Variants in NRG3 observed in about 807,000 individuals in gnomAD.
NRG3 encodes the protein pro-neuregulin-3, membrane-bound isoform.
Under a neutral mutation model 66.9 loss-of-function variants are expected in NRG3, and 31 were observed. The ratio of observed to expected loss-of-function variants is 0.46; its 90% confidence interval spans 0.35 to 0.63. The LOEUF (loss-of-function observed/expected upper bound fraction) is 0.63, where lower values mean the gene tolerates loss of function less well. Ranked by LOEUF, NRG3 falls within the 20% of genes least tolerant of loss-of-function variation. The pLI, the probability that NRG3 is intolerant of heterozygous loss-of-function variation, is 0.00. For synonymous variants in NRG3, 393 were observed against 359.4 expected (o/e 1.09, Z -1.06); for missense variants, 910 against 878.9 (o/e 1.04, Z -0.45).
Position 82,349,324 on chromosome 10 carries a change from T to G in NRG3, c.824-9415T>G, listed in dbSNP as rs529931957. Among the ~76,000 whole-genome samples the G allele has an allele frequency of 4.1e-3, 628 of 151,406 alleles. 12 individuals carry two copies. In the South Asian group the frequency reaches 0.049, roughly 12 times the overall value. On this transcript the variant is annotated intron_variant, in intron 1 of 8. Coordinates refer to ENST00000372141, the MANE Select transcript of NRG3 (RefSeq NM_001010848.4). ...TGCAGGTCTGTTGGAATACCCTGCCTTGTGAGATGTCAGTGTGCCCCTGCT... is the reference window on the plus strand; with the variant it reads ...TGCAGGTCTGTTGGAATACCCTGCCGTGTGAGATGTCAGTGTGCCCCTGCT...
chr10:82,711,208 A>G (rs956597654), intron 2 of NRG3, among the ~76,000 whole-genome samples: 20 of 152,186 alleles, frequency 1.3e-4, no homozygotes, highest in African/African-American at 4.6e-4. Flanking sequence ...CCTCCTGAGT[A>G]GCTAGGACTA....
chr10:82,092,218 T>C (rs1287329434), intron 1 of NRG3, among the ~76,000 whole-genome samples: 1 of 152,194 alleles, frequency 6.6e-6, no homozygotes, highest in Non-Finnish European at 1.5e-5. Flanking sequence ...TCTTGGCTTA[T>C]GTTGCACAGC....
At chr10:82,279,616 A>G (rs1211585000) in intron 1 of NRG3, among the ~76,000 whole-genome samples, 1 of 152,200 alleles carries the variant, frequency 6.6e-6, no homozygotes, top group Non-Finnish European at 1.5e-5. Flanking sequence ...AGGGATGTGT[A>G]AATGATTTTC....
intron 1 of NRG3, among the ~76,000 whole-genome samples, chr10:82,164,035 C>T (rs2071830442): frequency 6.6e-6 from 1 of 151,686 alleles, no homozygotes; most frequent in Non-Finnish European, 1.5e-5. Flanking sequence ...ATTCTCCTGC[C>T]TCGGCCTCCT....
chr10:82,435,779 CTTTTTTTTTTTTT>C, intron 2 of NRG3, among the ~76,000 whole-genome samples: 1 of 108,284 alleles, frequency 9.2e-6, no homozygotes, highest in East Asian at 2.7e-4. Flanking sequence ...CTTTTCTTTT[CTTTTTTTTTTTTT>C]TTTTTTTGAG....
At chr10:82,950,431 A>G (rs1398503655) in intron 4 of NRG3, among the ~76,000 whole-genome samples, 1 of 152,134 alleles carries the variant, frequency 6.6e-6, no homozygotes, top group South Asian at 2.1e-4. Flanking sequence ...GTTAGTGACC[A>G]TTAGATGACT....
chr10:82,616,657 A>ATTTTTTATTG (rs2133562725), intron 2 of NRG3, among the ~76,000 whole-genome samples: 1 of 152,264 alleles, frequency 6.6e-6, no homozygotes, highest in South Asian at 2.1e-4. Flanking sequence ...TTCTTATAGC[A>ATTTTTTATTG]TTTTATTGTT....
chr10:82,974,998 G>C (rs1212997263), intron 7 of NRG3, among the ~76,000 whole-genome samples: 1 of 152,282 alleles, frequency 6.6e-6, no homozygotes, highest in Admixed American at 6.5e-5. Flanking sequence ...AGAACACTGA[G>C]AGTTTGCCAT....
In NRG3 at chr10:82,244,015, G is replaced by A. The variant is rs1347910707; in HGVS notation, c.824-114724G>A. Among the ~76,000 whole-genome samples, 5 of 152,260 alleles carry A rather than the reference G, an allele frequency of 3.3e-5. No homozygotes were observed. In the South Asian group the frequency reaches 1.0e-3, roughly 32 times the overall value. ...TACTTTTTCTGAATCAGTTCAAGGAGATTAATAGTCAAAAAAGAAGGTGTG... is the reference window on the plus strand; with the variant it reads ...TACTTTTTCTGAATCAGTTCAAGGAAATTAATAGTCAAAAAAGAAGGTGTG... On this transcript the variant is annotated intron_variant, in intron 1 of 8. Coordinates refer to ENST00000372141, the MANE Select transcript of NRG3 (RefSeq NM_001010848.4).
At position 81,897,405 on chromosome 10, in the gene NRG3, T is replaced by C. The variant is rs151096212; in HGVS notation, c.823+21242T>C. On this transcript the variant is annotated intron_variant, in intron 1 of 8. Transcript: ENST00000372141. ...ACAAGAAGCTAAGTGAGAAGGCCAC[T>C]GTGAGATCCTGGCAGCTTAGACTAG... is the stretch of plus-strand genomic sequence containing the variant. Among the ~76,000 whole-genome samples, 838 of 152,278 alleles carry C rather than the reference T, an allele frequency of 5.5e-3. 7 individuals carry two copies. Among genetic ancestry groups the C allele is most frequent in the African/African-American group, 0.019 (803 of 41,550 alleles).
At chr10:82,716,782 A>G (rs926552282) in intron 2 of NRG3, among the ~76,000 whole-genome samples, 21 of 152,202 alleles carry the variant, frequency 1.4e-4, no homozygotes, top group Non-Finnish European at 1.2e-4. Flanking sequence ...ATTGCTGCTG[A>G]TTGCAAAGGT....
intron 1 of NRG3, among the ~76,000 whole-genome samples, chr10:82,227,156 G>A (rs1262724383): frequency 1.3e-5 from 2 of 152,088 alleles, no homozygotes; most frequent in Non-Finnish European, 2.9e-5. Flanking sequence ...TCCACCCACT[G>A]CAGCTTGTAC....
At chr10:82,340,282 T>C (rs1332160442) in intron 1 of NRG3, among the ~76,000 whole-genome samples, 1 of 152,186 alleles carries the variant, frequency 6.6e-6, no homozygotes, top group Admixed American at 6.5e-5. Flanking sequence ...TCTAAGTCTT[T>C]CTTGCATAAA....
intron 6 of NRG3, among the ~76,000 whole-genome samples, chr10:82,960,435 G>A (rs1217055795): frequency 6.7e-6 from 1 of 149,520 alleles, no homozygotes; most frequent in Admixed American, 6.7e-5. Flanking sequence ...TAGTTGAACT[G>A]AACTTCTATT....
chr10:82,838,139 G>T (rs780047241), intron 3 of NRG3, among the ~76,000 whole-genome samples: 1 of 152,048 alleles, frequency 6.6e-6, no homozygotes, highest in Non-Finnish European at 1.5e-5. Flanking sequence ...TTAAAGAAAA[G>T]AAATTAAAGC....
chr10:82,707,117 A>G (rs2134351362), intron 2 of NRG3, among the ~76,000 whole-genome samples: 1 of 150,874 alleles, frequency 6.6e-6, no homozygotes, highest in Admixed American at 6.6e-5. Flanking sequence ...ATTTCATCAT[A>G]TAATTATTTG....
chr10:82,117,289 C>T (rs2067787515), intron 1 of NRG3, among the ~76,000 whole-genome samples: 1 of 152,076 alleles, frequency 6.6e-6, no homozygotes, highest in Admixed American at 6.6e-5. Flanking sequence ...CTCACTCACT[C>T]ATTGAGCTTA....
chr10:82,836,283 G>C (rs1036856436), intron 3 of NRG3, among the ~76,000 whole-genome samples: 1 of 152,082 alleles, frequency 6.6e-6, no homozygotes, highest in African/African-American at 2.4e-5. Flanking sequence ...ATGATCATTG[G>C]TTTACAGAGA....
At chr10:82,614,716 T>C (rs998414881) in intron 2 of NRG3, among the ~76,000 whole-genome samples, 4 of 152,200 alleles carry the variant, frequency 2.6e-5, no homozygotes, top group African/African-American at 9.6e-5. Flanking sequence ...TCTACTCTAC[T>C]GCTCTAGAAA....
Sources: gnomAD v4.1 joint callset for allele counts (sites outside exome capture counted in the v4.1 genomes callset) on GRCh38, gnomAD v4.1.1 for gene constraint, MANE v1.5 for transcripts, NCBI Gene and HGNC (gene_info 2026-07-23, HGNC 2026-07-21) for gene names.